MAP7: variants seen among roughly 807,000 people sequenced by gnomAD.
MAP7 encodes the protein microtubule associated protein 7.
Under a neutral mutation model 94.8 loss-of-function variants are expected in MAP7, and 52 were observed. The observed-to-expected ratio is 0.55, with a 90% CI of 0.44 to 0.69. The LOEUF is 0.69. MAP7 is among the 30% of genes least tolerant of loss of function. The pLI is 0.00. For synonymous variants in MAP7, 350 were observed against 357.0 expected (o/e 0.98, Z 0.22); for missense variants, 940 against 964.6 (o/e 0.97, Z 0.34).
At chr6:136,419,824 T>A (rs1170828935) in intron 2 of MAP7, 1 of 336,388 alleles carries the variant, frequency 3.0e-6, no homozygotes, top group Non-Finnish European at 5.7e-6. Flanking sequence ...GGACAATTTT[T>A]GATCCTGTAA....
chr6:136,496,761 G>C (rs112374263), intron 1 of MAP7, among the ~76,000 whole-genome samples: 1 of 124,178 alleles, frequency 8.1e-6, no homozygotes, highest in African/African-American at 3.2e-5. Context: ...CCAACAAGGT[G>C]AAACCCCGTC....
chr6:136,401,711 C>T (rs932574717), intron 3 of MAP7, among the ~76,000 whole-genome samples: 6 of 151,146 alleles, frequency 4.0e-5, no homozygotes, highest in Non-Finnish European at 7.4e-5. Context: ...AGCACACCAA[C>T]GTGGCACATG....
At chr6:136,543,057 C>T (rs965017936) in intron 1 of MAP7, among the ~76,000 whole-genome samples, 1 of 152,158 alleles carries the variant, frequency 6.6e-6, no homozygotes, top group Non-Finnish European at 1.5e-5. Context: ...TTGGCCATTT[C>T]TTATAAAGTT....
At chr6:136,540,256 C>A (rs1209174657) in intron 1 of MAP7, among the ~76,000 whole-genome samples, 2 of 152,132 alleles carry the variant, frequency 1.3e-5, no homozygotes, top group Non-Finnish European at 2.9e-5. Context: ...ACAGAAGAAA[C>A]AAGGTCCAGT....
intron 1 of MAP7, among the ~76,000 whole-genome samples, chr6:136,469,374 CTT>C (rs1808212311): frequency 6.8e-6 from 1 of 147,160 alleles, no homozygotes; most frequent in African/African-American, 2.5e-5. Flanking sequence ...TCTTTCCTTT[CTT>C]TCTCTCTCTT....
intron 11 of MAP7, 133 bp downstream of exon 11, chr6:136,362,317 T>C: frequency 8.5e-7 from 1 of 1,182,294 alleles, no homozygotes; most frequent in Admixed American, 2.3e-5. Flanking sequence ...ATAGGAAAAT[T>C]AGGTAAGAGT....
At chr6:136,437,427 A>G (rs902352235) in intron 1 of MAP7, among the ~76,000 whole-genome samples, 2 of 152,206 alleles carry the variant, frequency 1.3e-5, no homozygotes, top group Admixed American at 6.5e-5. Flanking sequence ...ACTGTGTTGC[A>G]TAATTCTTTC....
intron 1 of MAP7, among the ~76,000 whole-genome samples, chr6:136,488,977 A>G (rs1207757916): frequency 1.3e-5 from 2 of 152,102 alleles, no homozygotes; most frequent in Non-Finnish European, 2.9e-5. Flanking sequence ...TATGTTGCCT[A>G]GGCTGGCCTC....
rs1015191773 is a variant in MAP7 at position 136,399,638 on chromosome 6, G to A, written c.245-10121C>T. 5.3e-5 allele frequency among the ~76,000 whole-genome samples: 8 copies of A among 152,182 alleles called. No individual in the cohort carries two copies. In the South Asian group the frequency reaches 6.2e-4, roughly 12 times the overall value. On this transcript the variant is annotated intron_variant, in intron 3 of 17. Transcript: ENST00000354570. ...CAAAGTGCTGGGATTATAGGCATGA[G>A]CCACTGTGCCTGGTCCAGTTTCCTT...
At chr6:136,386,918 C>G (rs927613958) in intron 5 of MAP7, among the ~76,000 whole-genome samples, 1 of 152,206 alleles carries the variant, frequency 6.6e-6, no homozygotes, top group Admixed American at 6.5e-5. Context: ...TCAAGTGATC[C>G]TCCTGCCTCA....
At chr6:136,443,373 G>A (rs1200943510) in intron 1 of MAP7, among the ~76,000 whole-genome samples, 1 of 151,768 alleles carries the variant, frequency 6.6e-6, no homozygotes, top group Non-Finnish European at 1.5e-5. Context: ...ATGTCTACAT[G>A]GAGGGTTATA....
chr6:136,486,415 C>T (rs889957949), intron 1 of MAP7, among the ~76,000 whole-genome samples: 3 of 152,164 alleles, frequency 2.0e-5, no homozygotes, highest in African/African-American at 4.8e-5. Flanking sequence ...TTTCACAGCC[C>T]TTTAAGTCTC....
chr6:136,424,461 G>C (rs182803636), intron 1 of MAP7, among the ~76,000 whole-genome samples: 31 of 152,240 alleles, frequency 2.0e-4, no homozygotes, highest in Non-Finnish European at 3.8e-4. Flanking sequence ...TGAGTGTTGA[G>C]GTAAAGACAA....
At chr6:136,507,007 T>C (rs1032037504) in intron 1 of MAP7, among the ~76,000 whole-genome samples, 1 of 152,136 alleles carries the variant, frequency 6.6e-6, no homozygotes. Flanking sequence ...TCCATAAACT[T>C]GTTCTGACCA....
chr6:136,371,032 G>A (rs1255310356), intron 8 of MAP7, among the ~76,000 whole-genome samples: 2 of 151,934 alleles, frequency 1.3e-5, no homozygotes, highest in Admixed American at 6.6e-5. Flanking sequence ...GCAGCTCCAG[G>A]GTATAAATGA....
At chr6:136,408,529 C>T (rs1786333046) in intron 3 of MAP7, among the ~76,000 whole-genome samples, 1 of 152,082 alleles carries the variant, frequency 6.6e-6, no homozygotes, top group African/African-American at 2.4e-5. Flanking sequence ...TGGATTAAAA[C>T]AATCTTTAAT....
intron 3 of MAP7, among the ~76,000 whole-genome samples, chr6:136,391,735 A>G (rs893102168): frequency 2.0e-5 from 3 of 151,922 alleles, no homozygotes; most frequent in Admixed American, 1.3e-4. Flanking sequence ...AAAAATAAAT[A>G]CCACTGTGAG....
At chr6:136,545,604 C>CTA (rs1037612902) in intron 1 of MAP7, 1 of 152,200 alleles carries the variant, frequency 6.6e-6, no homozygotes, top group African/African-American at 2.4e-5. Flanking sequence ...CCTAACTGAC[C>CTA]TAGGACTTTC....
At chr6:136,376,891 G>A (rs961379217) in intron 7 of MAP7, among the ~76,000 whole-genome samples, 1 of 152,184 alleles carries the variant, frequency 6.6e-6, no homozygotes, top group Non-Finnish European at 1.5e-5. Context: ...TGAACATGGA[G>A]AGGCTTGCAA....
Sources: allele counts gnomAD v4.1 joint callset (sites outside exome capture counted in the v4.1 genomes callset), GRCh38; gene constraint gnomAD v4.1.1; transcripts MANE v1.5; gene names NCBI Gene and HGNC (gene_info 2026-07-23, HGNC 2026-07-21).